Variants in SAMMSON observed in about 807,000 individuals in gnomAD.
The protein encoded by SAMMSON is survival associated mitochondrial melanoma specific oncogenic non-coding RNA, also known as long intergenic non-protein coding RNA 1212.
chr3:70,171,934 C>T (rs1700960691), intron 4 of SAMMSON, among the ~76,000 whole-genome samples: 1 of 151,672 alleles, frequency 6.6e-6, no homozygotes, highest in Non-Finnish European at 1.5e-5. Flanking sequence ...TATTTTAAGG[C>T]TATAGTGGAG....
At chr3:70,105,610 G>A (rs1435988897) in intron 4 of SAMMSON, among the ~76,000 whole-genome samples, 4 of 152,150 alleles carry the variant, frequency 2.6e-5, no homozygotes, top group African/African-American at 9.7e-5. Context: ...TATGCATGAG[G>A]CATTTTTAGC....
intron 7 of SAMMSON, among the ~76,000 whole-genome samples, chr3:70,299,809 G>C (rs1403075): frequency 0.21 from 31,582 of 151,890 alleles, 3,486 homozygotes; most frequent in South Asian, 0.28. Context: ...CCTTCCTGAA[G>C]CCAACCTCAC....
At chr3:70,219,027 T>C (rs779255926) in intron 4 of SAMMSON, among the ~76,000 whole-genome samples, 1 of 152,202 alleles carries the variant, frequency 6.6e-6, no homozygotes, top group African/African-American at 2.4e-5. Context: ...AGAATGTTCA[T>C]TTGTTCCAAT....
At chr3:70,336,031 C>T (rs1007687424) in intron 7 of SAMMSON, among the ~76,000 whole-genome samples, 2 of 151,864 alleles carry the variant, frequency 1.3e-5, no homozygotes, top group African/African-American at 4.8e-5. Flanking sequence ...AAAGTTCATC[C>T]TAAAAAAGAA....
At chr3:70,375,006 C>G (rs1439224407) in intron 9 of SAMMSON, among the ~76,000 whole-genome samples, 2 of 152,050 alleles carry the variant, frequency 1.3e-5, no homozygotes, top group Non-Finnish European at 2.9e-5. Context: ...AAGGGAAACC[C>G]ATGGAACTCA....
intron 4 of SAMMSON, among the ~76,000 whole-genome samples, chr3:70,244,370 T>C (rs1172536330): frequency 6.6e-6 from 1 of 152,212 alleles, no homozygotes; most frequent in African/African-American, 2.4e-5. Flanking sequence ...TCTATTATAT[T>C]TAATGGCAGT....
At chr3:70,100,249 C>T (rs1415211604) in intron 4 of SAMMSON, among the ~76,000 whole-genome samples, 1 of 152,038 alleles carries the variant, frequency 6.6e-6, no homozygotes, top group African/African-American at 2.4e-5. Context: ...CAGGCTCAAG[C>T]AATCCTGCCA....
rs184204229 is a variant in SAMMSON at position 70,336,343 on chromosome 3, G to A, written n.740-17832G>A. Among the ~76,000 whole-genome samples, 61 of 152,088 alleles carry A rather than the reference G, an allele frequency of 4.0e-4. 1 individual carries two copies. The highest frequency in any genetic ancestry group is 1.0e-4 in the Non-Finnish European group (7 of 67,872). ...TTTTAATATAGTTTCTTTGGAAATT[G>A]TATGCTTCACAAATACTCTTTTATA... On this transcript the variant is annotated intron_variant and non_coding_transcript_variant, in intron 7 of 9. Coordinates refer to ENST00000642114, the Ensembl canonical transcript of SAMMSON.
downstream of SAMMSON, among the ~76,000 whole-genome samples, chr3:70,392,222 TC>T (rs1701055796): frequency 6.6e-6 from 1 of 152,196 alleles, no homozygotes; most frequent in Non-Finnish European, 1.5e-5. Flanking sequence ...AGATATTTAC[TC>T]TGTGACAAAC....
chr3:70,258,069 T>C (rs987074475), intron 6 of SAMMSON, among the ~76,000 whole-genome samples: 1 of 152,190 alleles, frequency 6.6e-6, no homozygotes, highest in Non-Finnish European at 1.5e-5. Flanking sequence ...GAAGAACATC[T>C]GGATATTCAT....
intron 3 of SAMMSON, among the ~76,000 whole-genome samples, chr3:70,054,762 T>G (rs985552682): frequency 5.9e-5 from 9 of 152,188 alleles, no homozygotes; most frequent in African/African-American, 2.2e-4. Flanking sequence ...TGATGAGGAC[T>G]GTGGTCAGCT....
chr3:70,008,779 T>C (rs993207969), intron 1 of SAMMSON, among the ~76,000 whole-genome samples: 5 of 152,098 alleles, frequency 3.3e-5, no homozygotes, highest in East Asian at 3.9e-4. Context: ...GTGGGTTTGT[T>C]ATAAATAGCT....
Position 70,411,286 on chromosome 3 carries a change from T to A in SAMMSON, n.234-51274T>A, listed in dbSNP as rs1017336068. Among the ~76,000 whole-genome samples the A allele has an allele frequency of 1.1e-4, 17 of 152,278 alleles. 1 individual carries two copies. Among genetic ancestry groups the A allele is most frequent in the Middle Eastern group, 6.8e-3 (2 of 294 alleles). ...ACAGTTAGCTTTAGATAGCTTAGAT[T>A]TCAGTCTTTCTGGAAGTAAGGATTT... is the stretch of plus-strand genomic sequence containing the variant. On this transcript the variant is annotated intron_variant and non_coding_transcript_variant, in intron 2 of 3. Transcript: ENST00000641053.
chr3:70,140,675 A>G (rs2067524290), intron 4 of SAMMSON, among the ~76,000 whole-genome samples: 1 of 152,192 alleles, frequency 6.6e-6, no homozygotes, highest in African/African-American at 2.4e-5. Context: ...TCTGTGATCT[A>G]CAAAAACAAG....
chr3:70,278,646 A>C (rs1258528013), intron 6 of SAMMSON, among the ~76,000 whole-genome samples: 1 of 152,132 alleles, frequency 6.6e-6, no homozygotes, highest in East Asian at 1.9e-4. Context: ...GCTCTAGAAT[A>C]TGTCTTTTAT....
rs536654793 is a variant in SAMMSON, at chr3:70,058,228, A to G, written n.418-13248A>G. 3.2e-4 allele frequency among the ~76,000 whole-genome samples: 49 copies of G among 152,130 alleles called. No homozygotes were observed. The South Asian group carries it at 9.5e-3, about 30-fold the overall frequency. ...GAGACAGAGGTAAACAGTTCTCACA[A>G]TCCAGTTTGCTGAATGCAAAAGGAT... is the stretch of plus-strand genomic sequence containing the variant. On this transcript the variant is annotated intron_variant and non_coding_transcript_variant, in intron 3 of 9. Coordinates refer to ENST00000642114, the Ensembl canonical transcript of SAMMSON.
intron 7 of SAMMSON, among the ~76,000 whole-genome samples, chr3:70,294,306 G>A (rs115874128): frequency 5.2e-4 from 79 of 152,062 alleles, no homozygotes; most frequent in Admixed American, 9.2e-4. Flanking sequence ...TTCACCCTAG[G>A]TCATGAATAG....
chr3:70,247,755 A>G (rs1041606249), intron 4 of SAMMSON, among the ~76,000 whole-genome samples: 1 of 151,970 alleles, frequency 6.6e-6, no homozygotes, highest in Non-Finnish European at 1.5e-5. Flanking sequence ...GGACCAAGGT[A>G]AAAAAAGAGA....
At chr3:70,241,784 G>A (rs912185480) in intron 4 of SAMMSON, among the ~76,000 whole-genome samples, 2 of 152,142 alleles carry the variant, frequency 1.3e-5, no homozygotes, top group Non-Finnish European at 2.9e-5. Flanking sequence ...AACCATTAAT[G>A]TTGAAAATAT....
Sources: gnomAD v4.1 joint callset for allele counts (sites outside exome capture counted in the v4.1 genomes callset) on GRCh38, gnomAD v4.1.1 for gene constraint, MANE v1.5 for transcripts, NCBI Gene and HGNC (gene_info 2026-07-23, HGNC 2026-07-21) for gene names.